The following SAMSN1 variants were observed in gnomAD, a reference collection of about 807,000 sequenced individuals.
SAMSN1 encodes SAM domain, SH3 domain and nuclear localization signals 1.
A neutral mutation model predicts 42.0 loss-of-function variants in SAMSN1; 31 were observed. The observed-to-expected ratio is 0.74, with a 90% CI of 0.55 to 1.00. The LOEUF is 1.00. SAMSN1 is among the 50% of genes least tolerant of loss of function. SAMSN1 has a pLI of 0.00. For synonymous variants in SAMSN1, 178 were observed against 151.9 expected (o/e 1.17, Z -1.26); for missense variants, 464 against 439.4 (o/e 1.06, Z -0.50).
At chr21:14,639,329 G>A (rs1983540716) in intron 2 of SAMSN1, among the ~76,000 whole-genome samples, 1 of 152,126 alleles carries the variant, frequency 6.6e-6, no homozygotes, top group Admixed American at 6.5e-5. Flanking sequence ...AAGACAGAGG[G>A]GCCACATCTC....
chr21:14,630,697 T>A (rs2123360982), intron 2 of SAMSN1, among the ~76,000 whole-genome samples: 1 of 152,266 alleles, frequency 6.6e-6, no homozygotes, highest in South Asian at 2.1e-4. Flanking sequence ...CATATTGGCT[T>A]GTTATGAGTC....
chr21:14,653,591 A>G (rs1487967966), intron 1 of SAMSN1, among the ~76,000 whole-genome samples: 1 of 152,022 alleles, frequency 6.6e-6, no homozygotes, highest in Non-Finnish European at 1.5e-5. Context: ...TGATAGCACA[A>G]TAGGGTGACT....
chr21:14,602,963 T>C (rs1224266281), intron 5 of SAMSN1, among the ~76,000 whole-genome samples: 1 of 152,210 alleles, frequency 6.6e-6, no homozygotes, highest in Non-Finnish European at 1.5e-5. Flanking sequence ...AAAAGATATG[T>C]TAAATTCACA....
At chr21:14,583,132 A>C (rs1230468710) in intron 1 of SAMSN1, among the ~76,000 whole-genome samples, 2 of 152,236 alleles carry the variant, frequency 1.3e-5, no homozygotes, top group African/African-American at 4.8e-5. Context: ...GACTCTGATG[A>C]AATTTCTAGT....
chr21:14,654,339 A>G (rs138531535), intron 1 of SAMSN1, among the ~76,000 whole-genome samples: 13 of 152,202 alleles, frequency 8.5e-5, no homozygotes, highest in African/African-American at 2.9e-4. Context: ...CTACTGGGAA[A>G]ATTATTAAGA....
chr21:14,617,844 C>G (rs761276573), intron 2 of SAMSN1, among the ~76,000 whole-genome samples: 3 of 152,150 alleles, frequency 2.0e-5, no homozygotes, highest in Non-Finnish European at 4.4e-5. Flanking sequence ...TATATGCAAT[C>G]GAGCAAGAGA....
intron 7 of SAMSN1, among the ~76,000 whole-genome samples, chr21:14,496,589 A>G (rs1442558586): frequency 6.6e-6 from 1 of 152,238 alleles, no homozygotes; most frequent in Non-Finnish European, 1.5e-5. Context: ...TGAAATGACA[A>G]GATGTGAATG....
At chr21:14,626,662 C>T (rs889254894) in intron 2 of SAMSN1, among the ~76,000 whole-genome samples, 1 of 152,194 alleles carries the variant, frequency 6.6e-6, no homozygotes, top group Non-Finnish European at 1.5e-5. Context: ...AATAGGAACA[C>T]TTTTACACTG....
chr21:14,528,813 C>A (rs988804269), intron 1 of SAMSN1, among the ~76,000 whole-genome samples: 3 of 152,144 alleles, frequency 2.0e-5, no homozygotes, highest in Non-Finnish European at 1.5e-5. Context: ...ATTCTTCTTT[C>A]CAAAATGTAA....
At chr21:14,522,387 C>T (rs932436857) in intron 1 of SAMSN1, among the ~76,000 whole-genome samples, 11 of 151,992 alleles carry the variant, frequency 7.2e-5, no homozygotes, top group Admixed American at 5.9e-4. Context: ...TCATAAATCC[C>T]GAGACTATTT....
upstream of SAMSN1, among the ~76,000 whole-genome samples, chr21:14,547,097 G>T (rs1980434487): frequency 6.6e-6 from 1 of 152,172 alleles, no homozygotes; most frequent in Non-Finnish European, 1.5e-5. Flanking sequence ...AAGCATGTAT[G>T]CATATATTTT....
At chr21:14,545,519 C>T (rs1980331981) in intron 1 of SAMSN1, among the ~76,000 whole-genome samples, 1 of 143,904 alleles carries the variant, frequency 6.9e-6, no homozygotes, top group Non-Finnish European at 1.5e-5. Flanking sequence ...AGAATTTGAA[C>T]TTTATCCCAT....
intron 1 of SAMSN1, among the ~76,000 whole-genome samples, chr21:14,533,139 T>TG (rs1979374861): frequency 6.6e-6 from 1 of 152,032 alleles, no homozygotes; most frequent in African/African-American, 2.4e-5. Context: ...AGGCTGGTCT[T>TG]GAACTCCTGT....
intron 2 of SAMSN1, among the ~76,000 whole-genome samples, chr21:14,636,765 TTGGGGGTGGAATTGCTTGAACCC>T (rs1224067724): frequency 6.6e-6 from 1 of 151,502 alleles, no homozygotes; most frequent in Admixed American, 6.6e-5. Flanking sequence ...GGTGGCGGGG[TTGGGGGTGGAATTGCTTGAACCC>T]TGGGGGTGGA....
chr21:14,594,371 C>T (rs1248112444), intron 6 of SAMSN1, among the ~76,000 whole-genome samples: 2 of 152,094 alleles, frequency 1.3e-5, no homozygotes, highest in Non-Finnish European at 2.9e-5. Flanking sequence ...ATTAGATTCA[C>T]TCCTCAGCCC....
intron 2 of SAMSN1, among the ~76,000 whole-genome samples, chr21:14,641,105 A>C (rs1568840822): frequency 1.3e-5 from 2 of 152,204 alleles, no homozygotes; most frequent in Non-Finnish European, 2.9e-5. Context: ...AACAATTTGC[A>C]TTGTCAATTG....
At chr21:14,652,352 A>G (rs895394044) in intron 1 of SAMSN1, among the ~76,000 whole-genome samples, 1 of 152,098 alleles carries the variant, frequency 6.6e-6, no homozygotes, top group African/African-American at 2.4e-5. Flanking sequence ...CACACAGACC[A>G]ATGTAAAAAA....
At chr21:14,607,989 TAGCTGGCATCCATGTGGTAAAGACAG>T (rs1982608507) in intron 5 of SAMSN1, among the ~76,000 whole-genome samples, 1 of 152,202 alleles carries the variant, frequency 6.6e-6, no homozygotes, top group African/African-American at 2.4e-5. Context: ...TGGATGCATA[TAGCTGGCATCCATGTGGTAAAGACAG>T]AGTCCAATCC....
At chr21:14,612,110 G>T (rs919540518) in intron 4 of SAMSN1, among the ~76,000 whole-genome samples, 1 of 152,186 alleles carries the variant, frequency 6.6e-6, no homozygotes, top group Non-Finnish European at 1.5e-5. Context: ...GCACGCGCCT[G>T]TAGTCCCAGC....
Sources: allele counts gnomAD v4.1 joint callset (sites outside exome capture counted in the v4.1 genomes callset), GRCh38; gene constraint gnomAD v4.1.1; transcripts MANE v1.5; gene names NCBI Gene and HGNC (gene_info 2026-07-23, HGNC 2026-07-21).